The following SLCO1A2 variants were observed in gnomAD, a reference collection of about 807,000 sequenced individuals.
SLCO1A2 encodes OATP-1.
SLCO1A2 carries 67 observed loss-of-function variants against 69.0 expected under a neutral mutation model. The observed-to-expected ratio is 0.97, with a 90% CI of 0.80 to 1.19. SLCO1A2 has a LOEUF of 1.19. SLCO1A2 is among the 50% of genes most tolerant of loss of function. SLCO1A2 has a pLI of 0.00. For missense variants in SLCO1A2, 787 were observed against 793.7 expected (o/e 0.99, Z 0.10); for synonymous variants, 260 against 265.9 (o/e 0.98, Z 0.22).
chr12:21,369,431 G>A (rs191907925), intron 2 of SLCO1A2, among the ~76,000 whole-genome samples: 58 of 152,170 alleles, frequency 3.8e-4, no homozygotes, highest in Admixed American at 3.2e-3. Flanking sequence ...AATATCCTGG[G>A]ACAGGCAGAT....
chr12:21,300,058 A>G (rs1446475008), intron 8 of SLCO1A2, among the ~76,000 whole-genome samples: 1 of 150,986 alleles, frequency 6.6e-6, no homozygotes, highest in Admixed American at 6.7e-5. Flanking sequence ...GTGTGTACAT[A>G]TATATGTGTG....
At chr12:21,347,164 C>T (rs1402746694) in intron 2 of SLCO1A2, among the ~76,000 whole-genome samples, 1 of 152,120 alleles carries the variant, frequency 6.6e-6, no homozygotes, top group Non-Finnish European at 1.5e-5. Context: ...TAAATTTCTA[C>T]TTCCTTCCAT....
chr12:21,358,246 T>C (rs751063702), intron 2 of SLCO1A2, among the ~76,000 whole-genome samples: 1 of 152,186 alleles, frequency 6.6e-6, no homozygotes, highest in Non-Finnish European at 1.5e-5. Context: ...GAAAGTATGC[T>C]GGAAAAAATC....
intron 8 of SLCO1A2, among the ~76,000 whole-genome samples, chr12:21,299,724 C>A (rs1948295316): frequency 6.8e-6 from 1 of 148,072 alleles, no homozygotes; most frequent in East Asian, 2.0e-4. Flanking sequence ...CCTATGTTCT[C>A]TGTAAAATCG....
chr12:21,351,261 G>A (rs1292656345), intron 2 of SLCO1A2, among the ~76,000 whole-genome samples: 2 of 152,252 alleles, frequency 1.3e-5, no homozygotes, highest in African/African-American at 4.8e-5. Flanking sequence ...AGGTCACAAA[G>A]TTCAATGTTT....
chr12:21,343,484 C>T (rs78604873), intron 2 of SLCO1A2, among the ~76,000 whole-genome samples: 3,923 of 152,154 alleles, frequency 0.026, 73 homozygotes, highest in Non-Finnish European at 0.038. Flanking sequence ...AGTGTAACTT[C>T]TTACAGCTTT....
chr12:21,345,870 T>A (rs1953236550), intron 2 of SLCO1A2, among the ~76,000 whole-genome samples: 1 of 152,046 alleles, frequency 6.6e-6, no homozygotes, highest in South Asian at 2.1e-4. Context: ...ATGTTCAGTT[T>A]GCCAGAAGCT....
intron 1 of SLCO1A2, among the ~76,000 whole-genome samples, chr12:21,380,925 C>T (rs1272501062): frequency 6.9e-6 from 1 of 144,312 alleles, no homozygotes; most frequent in Non-Finnish European, 1.5e-5. Flanking sequence ...CGACTATCAG[C>T]TGATGGTCAG....
chr12:21,383,469 G>A (rs750380256), intron 1 of SLCO1A2, among the ~76,000 whole-genome samples: 61 of 151,930 alleles, frequency 4.0e-4, no homozygotes, highest in African/African-American at 1.3e-3. Flanking sequence ...CTGCCTCCAC[G>A]TTCTTGCTTT....
At chr12:21,348,237 T>C (rs1030490696) in intron 2 of SLCO1A2, among the ~76,000 whole-genome samples, 3 of 152,178 alleles carry the variant, frequency 2.0e-5, no homozygotes, top group African/African-American at 4.8e-5. Context: ...AACCATTGAG[T>C]TGCAAACCAT....
intron 2 of SLCO1A2, among the ~76,000 whole-genome samples, chr12:21,331,870 C>A (rs1952641340): frequency 6.6e-6 from 1 of 151,912 alleles, no homozygotes. Context: ...AGATCTTAAC[C>A]AAATTTAGGG....
chr12:21,370,676 G>T (rs550756829), intron 2 of SLCO1A2, among the ~76,000 whole-genome samples: 12 of 152,062 alleles, frequency 7.9e-5, no homozygotes, highest in African/African-American at 2.4e-4. Context: ...AACAAAAAAG[G>T]TTATGAAAAT....
intron 2 of SLCO1A2, among the ~76,000 whole-genome samples, chr12:21,320,000 A>T (rs1246438689): frequency 6.6e-6 from 1 of 152,218 alleles, no homozygotes; most frequent in Admixed American, 6.5e-5. Context: ...TGAACAAATT[A>T]TAGATAGATT....
intron 12 of SLCO1A2, among the ~76,000 whole-genome samples, chr12:21,282,101 C>G (rs1349773259): frequency 2.7e-5 from 4 of 148,196 alleles, no homozygotes; most frequent in Non-Finnish European, 6.0e-5. Context: ...GATACCAAAA[C>G]CAGAAAAAGA....
At chr12:21,409,461 G>A (rs1321369539) in intron 1 of SLCO1A2, among the ~76,000 whole-genome samples, 1 of 151,922 alleles carries the variant, frequency 6.6e-6, no homozygotes, top group African/African-American at 2.4e-5. Flanking sequence ...ACAAATACAA[G>A]GTAGATTTGG....
At chr12:21,335,817 A>G (rs1161735304), upstream of SLCO1A2, among the ~76,000 whole-genome samples, 1 of 152,134 alleles carries the variant, frequency 6.6e-6, no homozygotes, top group African/African-American at 2.4e-5. Context: ...ACAAATACTT[A>G]TTGAACATCT....
At chr12:21,398,501 C>G (rs867736214), upstream of SLCO1A2, among the ~76,000 whole-genome samples, 1,240 of 149,472 alleles carry the variant, frequency 8.3e-3, 5 homozygotes, top group African/African-American at 0.012. Context: ...TAGAAAAAGA[C>G]GGAATCCTCC....
At chr12:21,365,272 A>G (rs1373918819) in intron 2 of SLCO1A2, among the ~76,000 whole-genome samples, 1 of 152,180 alleles carries the variant, frequency 6.6e-6, no homozygotes, top group Non-Finnish European at 1.5e-5. Flanking sequence ...TCTTTGACAA[A>G]CCTGACAAAA....
chr12:21,308,906 T>C (rs1275333398), intron 4 of SLCO1A2, among the ~76,000 whole-genome samples: 1 of 152,014 alleles, frequency 6.6e-6, no homozygotes, highest in Non-Finnish European at 1.5e-5. Context: ...ACCAGATATA[T>C]GAGAGAAGTC....
Sources: allele counts gnomAD v4.1 joint callset (sites outside exome capture counted in the v4.1 genomes callset), GRCh38; gene constraint gnomAD v4.1.1; transcripts MANE v1.5; gene names NCBI Gene and HGNC (gene_info 2026-07-23, HGNC 2026-07-21).